The following TLL2 variants were observed in gnomAD, a reference collection of about 807,000 sequenced individuals.
The protein encoded by TLL2 is tolloid like 2, also known as tolloid-like protein 2.
TLL2 carries 106 observed loss-of-function variants against 123.0 expected under a neutral mutation model. That is an observed-to-expected ratio of 0.86 (90% CI 0.74 to 1.01). The LOEUF (loss-of-function observed/expected upper bound fraction) is 1.01, where lower values mean the gene tolerates loss of function less well. Among genes scored for constraint, TLL2 ranks in the 50% least tolerant of loss-of-function variants. The pLI, the probability that TLL2 is intolerant of heterozygous loss-of-function variation, is 0.00. For synonymous variants in TLL2, 494 were observed against 516.8 expected, an observed-to-expected ratio of 0.96 and a Z score of 0.60; for missense variants, 1,332 against 1,336.7, an observed-to-expected ratio of 1.00 and a Z score of 0.06.
chr10:96,406,798 G>C (rs990471526), intron 9 of TLL2, among the ~76,000 whole-genome samples: 1 of 152,134 alleles, frequency 6.6e-6, no homozygotes, highest in Non-Finnish European at 1.5e-5. Flanking sequence ...CTCCTCCACT[G>C]TAGGAGATGC....
chr10:96,451,171 A>G (rs1846955770), intron 2 of TLL2, among the ~76,000 whole-genome samples: 1 of 152,188 alleles, frequency 6.6e-6, no homozygotes, highest in African/African-American at 2.4e-5. Context: ...GGAACAATTC[A>G]CTAAATTCAG....
At chr10:96,464,938 AT>A (rs767065002) in intron 2 of TLL2, among the ~76,000 whole-genome samples, 6 of 152,266 alleles carry the variant, frequency 3.9e-5, no homozygotes, top group Non-Finnish European at 7.3e-5. Context: ...TTACAAAAAA[AT>A]CTTAGGATTT....
At chr10:96,507,819 T>C (rs1847591405) in intron 1 of TLL2, among the ~76,000 whole-genome samples, 1 of 152,188 alleles carries the variant, frequency 6.6e-6, no homozygotes, top group Non-Finnish European at 1.5e-5. Flanking sequence ...TGCATGCTGG[T>C]GTGTGAAATT....
rs1451412882 is a variant in TLL2, at chr10:96,366,907, C to G, written c.*1181G>C. 1 of 152,650 alleles carries G rather than the reference C, an allele frequency of 6.6e-6. No individual in the cohort carries two copies. The allele number at this position is 152,650 out of a possible 1,614,324, so 9.5% of individuals were successfully genotyped here. The stretch of plus-strand genomic sequence containing the variant: ...ACTGTTTAAATTATACCTTGAGGTG[C>G]TAAAATTATGTAAACATCATCCTCT... On this transcript the variant is annotated 3_prime_UTR_variant, in exon 21 of 21. Coordinates refer to ENST00000357947, the MANE Select transcript of TLL2 (RefSeq NM_012465.4).
intron 20 of TLL2, among the ~76,000 whole-genome samples, chr10:96,369,265 T>A (rs528756409): frequency 3.3e-5 from 5 of 152,256 alleles, no homozygotes; most frequent in Non-Finnish European, 7.4e-5. Context: ...TGTCAGGTGC[T>A]GGAGAAACAG....
intron 2 of TLL2, among the ~76,000 whole-genome samples, chr10:96,460,389 C>G (rs1396351170): frequency 6.6e-6 from 1 of 152,112 alleles, no homozygotes; most frequent in Admixed American, 6.5e-5. Flanking sequence ...GGAGGTGGGA[C>G]CTTTGAGAGG....
chr10:96,394,091 G>C (rs935103466), intron 13 of TLL2, among the ~76,000 whole-genome samples: 4 of 152,232 alleles, frequency 2.6e-5, no homozygotes, highest in Admixed American at 6.5e-5. Context: ...GAACCTGGGA[G>C]AAGGTCTAAG....
intron 1 of TLL2, among the ~76,000 whole-genome samples, chr10:96,494,813 C>T (rs776784989): frequency 1.5e-4 from 23 of 152,226 alleles, no homozygotes; most frequent in Non-Finnish European, 2.8e-4. Flanking sequence ...GGCCCACAAA[C>T]CACTTACATC....
At chr10:96,477,532 ACCC>A (rs1371787316) in intron 2 of TLL2, among the ~76,000 whole-genome samples, 4 of 151,482 alleles carry the variant, frequency 2.6e-5, no homozygotes, top group African/African-American at 9.7e-5. Flanking sequence ...TTAATCGTAA[ACCC>A]TCCCAGGTCA....
At chr10:96,386,628 C>T (rs929921274) in intron 14 of TLL2, among the ~76,000 whole-genome samples, 5 of 152,344 alleles carry the variant, frequency 3.3e-5, no homozygotes, top group Middle Eastern at 3.4e-3. Context: ...AAAGTGCTAT[C>T]GGTTGAGTCA....
intron 7 of TLL2, among the ~76,000 whole-genome samples, chr10:96,417,150 A>G (rs565119928): frequency 2.0e-4 from 31 of 152,336 alleles, no homozygotes; most frequent in Non-Finnish European, 3.5e-4. Flanking sequence ...CATATGTTCC[A>G]TGGGCTCTAT....
At chr10:96,380,073 T>C (rs1369403445) in intron 16 of TLL2, among the ~76,000 whole-genome samples, 3 of 152,184 alleles carry the variant, frequency 2.0e-5, no homozygotes, top group African/African-American at 7.2e-5. Flanking sequence ...ACTTGTAAAA[T>C]GGAGACAGTA....
chr10:96,384,866 G>C, intron 15 of TLL2, 99 bp from the exon 16 acceptor site: 12 of 1,213,062 alleles, frequency 9.9e-6, no homozygotes, highest in Non-Finnish European at 1.3e-5. Context: ...TCACCCTACC[G>C]TGTGTGGCGG....
intron 1 of TLL2, among the ~76,000 whole-genome samples, chr10:96,508,677 G>A (rs1369643958): frequency 6.6e-6 from 1 of 151,852 alleles, no homozygotes; most frequent in Non-Finnish European, 1.5e-5. Flanking sequence ...CATACCCTCA[G>A]CTCACCTCTG....
chr10:96,411,481 T>G (rs1846506912), intron 8 of TLL2, among the ~76,000 whole-genome samples: 2 of 152,204 alleles, frequency 1.3e-5, no homozygotes, highest in Non-Finnish European at 2.9e-5. Flanking sequence ...CCTTGAATGT[T>G]TGAGGGTTGG....
intron 2 of TLL2, among the ~76,000 whole-genome samples, chr10:96,466,611 A>G (rs1196457421): frequency 1.3e-5 from 2 of 152,124 alleles, no homozygotes; most frequent in East Asian, 1.9e-4. Flanking sequence ...TCTCCAGCCC[A>G]CTGCTGTCTG....
intron 2 of TLL2, among the ~76,000 whole-genome samples, chr10:96,469,940 T>C (rs1393328521): frequency 6.6e-6 from 1 of 151,998 alleles, no homozygotes; most frequent in Non-Finnish European, 1.5e-5. Flanking sequence ...CATGTGAAGA[T>C]CAAGTTCTGA....
At position 96,386,162 on chromosome 10, in the gene TLL2, A is replaced by G. The variant is rs1295454245; in HGVS notation, c.1906T>C (p.Trp636Arg). The part of the protein sequence containing the change: ...KLNGTITSPG[W>R]PKEYPTNKNC... ...TTGTTTGTGGGATACTCCTTCGGCCACCCAGGGCTGGTGATGGTTCCATTC... is the reference window on the plus strand; with the variant it reads ...TTGTTTGTGGGATACTCCTTCGGCCGCCCAGGGCTGGTGATGGTTCCATTC... Residue 636 changes from tryptophan (W) to arginine (R), a missense_variant, in exon 15 of 21, where the codon TGG becomes CGG. Transcript: ENST00000357947. The G allele has an allele frequency of 1.2e-6, 2 of 1,612,472 alleles. 1 individual carries two copies. Among genetic ancestry groups the G allele is most frequent in the South Asian group, 2.2e-5 (2 of 90,818 alleles).
chr10:96,406,599 T>A (rs11188748), intron 9 of TLL2, among the ~76,000 whole-genome samples: 7 of 151,782 alleles, frequency 4.6e-5, no homozygotes, highest in Non-Finnish European at 8.8e-5. Context: ...CCTCAAAGGT[T>A]CCCATTCCCT....
Sources: allele counts gnomAD v4.1 joint callset (sites outside exome capture counted in the v4.1 genomes callset), GRCh38; gene constraint gnomAD v4.1.1; transcripts MANE v1.5; gene names NCBI Gene and HGNC (gene_info 2026-07-23, HGNC 2026-07-21).